Variants in MIR2052HG observed in about 807,000 individuals in gnomAD.
MIR2052HG encodes the protein MIR2052 host gene.
At position 74,615,111 on chromosome 8, in the gene MIR2052HG, C is replaced by T. The variant is rs147761460; in HGVS notation, n.216+2171C>T. The T allele has an allele frequency of 1.2e-3, 183 of 152,246 alleles. 1 individual carries two copies. The highest frequency in any genetic ancestry group is 4.0e-3 in the African/African-American group (166 of 41,544). 9.4% of individuals were successfully genotyped at this position (152,246 alleles called of 1,614,324 possible). A position where few individuals can be genotyped will look rare whatever the true frequency, so the allele number is the denominator to read the frequency against. On this transcript the variant is annotated intron_variant and non_coding_transcript_variant, in intron 2 of 6. Transcript: ENST00000523442. ...CTCTAGCCTACTTCATTGACAGCAC[C>T]AGCCAAGTGAATAGGTCAGAGAAGA...
At chr8:74,713,904 G>T (rs1489165975) in intron 4 of MIR2052HG, among the ~76,000 whole-genome samples, 1 of 152,050 alleles carries the variant, frequency 6.6e-6, no homozygotes, top group Non-Finnish European at 1.5e-5. Context: ...GTTGGATTCA[G>T]AAGGTCAGCA....
chr8:74,668,758 G>A (rs1042279006), intron 2 of MIR2052HG, among the ~76,000 whole-genome samples: 16 of 152,278 alleles, frequency 1.1e-4, no homozygotes, highest in Middle Eastern at 6.8e-3. Flanking sequence ...GAGGCACCTC[G>A]CCAAGGTAAG....
intron 1 of MIR2052HG, chr8:74,603,408 T>C (rs1808055065): frequency 1.2e-6 from 2 of 1,610,682 alleles, no homozygotes; most frequent in African/African-American, 1.3e-5. Flanking sequence ...ATCCTTCCAC[T>C]GGGTTCGCAA....
chr8:74,620,946 G>A (rs1808353319), intron 2 of MIR2052HG, among the ~76,000 whole-genome samples: 1 of 152,094 alleles, frequency 6.6e-6, no homozygotes, highest in African/African-American at 2.4e-5. Context: ...TGAACACTTT[G>A]CCACTTAGAA....
At chr8:74,605,666 TA>T (rs1808100219) in intron 1 of MIR2052HG, among the ~76,000 whole-genome samples, 1 of 152,094 alleles carries the variant, frequency 6.6e-6, no homozygotes, top group Non-Finnish European at 1.5e-5. Flanking sequence ...ACTTTGTAAA[TA>T]ATCAAGTTAT....
intron 2 of MIR2052HG, among the ~76,000 whole-genome samples, chr8:74,700,991 A>C (rs1809351491): frequency 6.6e-6 from 1 of 152,158 alleles, no homozygotes; most frequent in Non-Finnish European, 1.5e-5. Flanking sequence ...AAAATGCAGT[A>C]AGTGATTTGT....
chr8:74,749,852 A>C (rs1402813439), intron 4 of MIR2052HG, among the ~76,000 whole-genome samples: 1 of 151,548 alleles, frequency 6.6e-6, no homozygotes, highest in Non-Finnish European at 1.5e-5. Flanking sequence ...CCATCTCAAA[A>C]AAAAAAAAAA....
intron 2 of MIR2052HG, among the ~76,000 whole-genome samples, chr8:74,662,771 G>T (rs1808878946): frequency 6.6e-6 from 1 of 151,818 alleles, no homozygotes; most frequent in South Asian, 2.1e-4. Context: ...GATAGGAGGG[G>T]CTTATGTGGG....
At chr8:74,639,294 T>G (rs935801660) in intron 2 of MIR2052HG, among the ~76,000 whole-genome samples, 8 of 152,210 alleles carry the variant, frequency 5.3e-5, no homozygotes, top group Non-Finnish European at 1.0e-4. Context: ...ATCTGCTTTA[T>G]AAAAATCTTT....
At chr8:74,683,725 C>A (rs1488250534) in intron 2 of MIR2052HG, among the ~76,000 whole-genome samples, 2 of 152,098 alleles carry the variant, frequency 1.3e-5, no homozygotes, top group African/African-American at 2.4e-5. Context: ...GGCTGTGTTA[C>A]AATCACAGTG....
chr8:74,701,234 A>G (rs1477307332), intron 2 of MIR2052HG, among the ~76,000 whole-genome samples: 3 of 152,302 alleles, frequency 2.0e-5, no homozygotes, highest in African/African-American at 4.8e-5. Flanking sequence ...AAAAACATTT[A>G]AAACTCAAGG....
At chr8:74,631,487 T>C (rs992601155) in intron 2 of MIR2052HG, among the ~76,000 whole-genome samples, 9 of 152,214 alleles carry the variant, frequency 5.9e-5, no homozygotes, top group African/African-American at 2.2e-4. Flanking sequence ...TTTTTGATTC[T>C]TAAACATTTA....
intron 4 of MIR2052HG, among the ~76,000 whole-genome samples, chr8:74,726,719 G>T (rs1347739394): frequency 6.6e-6 from 1 of 152,192 alleles, no homozygotes; most frequent in Non-Finnish European, 1.5e-5. Context: ...ATATGTGGGC[G>T]TTATATGGCA....
chr8:74,661,327 C>T (rs28674972), intron 2 of MIR2052HG, among the ~76,000 whole-genome samples: 2,731 of 152,012 alleles, frequency 0.018, 68 homozygotes, highest in African/African-American at 0.062. Context: ...CTCAGCCTCC[C>T]GAGTAGCTGG....
At chr8:74,649,047 C>T (rs1463795521) in intron 2 of MIR2052HG, among the ~76,000 whole-genome samples, 1 of 150,772 alleles carries the variant, frequency 6.6e-6, no homozygotes, top group African/African-American at 2.4e-5. Flanking sequence ...GAATAGGAGA[C>T]AGAAGTCAGA....
chr8:74,654,234 C>T (rs911090751), intron 2 of MIR2052HG, among the ~76,000 whole-genome samples: 13 of 152,030 alleles, frequency 8.6e-5, no homozygotes, highest in African/African-American at 3.1e-4. Context: ...GTTTTGAGGT[C>T]TCAGTGGGCT....
In MIR2052HG at chr8:74,737,084, G is replaced by A. The variant is rs574057236; in HGVS notation, n.372-15357G>A. On this transcript the variant is annotated intron_variant and non_coding_transcript_variant, in intron 4 of 6. Coordinates refer to ENST00000523442, the Ensembl canonical transcript of MIR2052HG. ...CGCGCAGTTGAGAAATTGGCAGTCC[G>A]CAACAAATCGGACTAATTGCGGGTG... Among the ~76,000 whole-genome samples the A allele has an allele frequency of 9.9e-5, 15 of 152,276 alleles. No individual in the cohort carries two copies. The East Asian group carries it at 2.9e-3, about 29-fold the overall frequency.
At chr8:74,662,129 C>G (rs777696391) in intron 2 of MIR2052HG, among the ~76,000 whole-genome samples, 6 of 152,062 alleles carry the variant, frequency 3.9e-5, no homozygotes, top group Admixed American at 6.6e-5. Flanking sequence ...GAGAGTATCA[C>G]GGTTTTGAAA....
At chr8:74,695,104 A>G (rs1260891593) in intron 2 of MIR2052HG, among the ~76,000 whole-genome samples, 1 of 152,164 alleles carries the variant, frequency 6.6e-6, no homozygotes, top group African/African-American at 2.4e-5. Flanking sequence ...TTAACAGCAG[A>G]CTTCTCAGCA....
Sources: gnomAD v4.1 joint callset for allele counts (sites outside exome capture counted in the v4.1 genomes callset) on GRCh38, gnomAD v4.1.1 for gene constraint, MANE v1.5 for transcripts, NCBI Gene and HGNC (gene_info 2026-07-23, HGNC 2026-07-21) for gene names.